PDCD11: variants seen among roughly 807,000 people sequenced by gnomAD.
PDCD11 encodes the protein programmed cell death 11.
In PDCD11, 97 loss-of-function variants were observed where a neutral mutation model predicts 198.9. That is an observed-to-expected ratio of 0.49 (90% CI 0.41 to 0.58). The LOEUF (loss-of-function observed/expected upper bound fraction) is 0.58. PDCD11 is among the 20% of genes least tolerant of loss of function. The pLI is 0.00. For synonymous variants in PDCD11, 893 were observed against 918.0 expected (o/e 0.97, Z 0.49); for missense variants, 2,102 against 2,312.7 (o/e 0.91, Z 1.87).
intron 30 of PDCD11, 108 bp from the exon 31 acceptor site, chr10:103,441,718 G>A: frequency 2.1e-6 from 2 of 967,038 alleles, no homozygotes; most frequent in South Asian, 1.6e-5. Context: ...AGGAGAGGAG[G>A]GGTCTCTGGG....
chr10:103,403,344 A>G (rs2030233744), intron 4 of PDCD11, 59 bp downstream of exon 4: 15 of 1,513,592 alleles, frequency 9.9e-6, no homozygotes, highest in Non-Finnish European at 1.3e-5. Context: ...AATAGATTTA[A>G]AATTACAACT....
intron 26 of PDCD11, among the ~76,000 whole-genome samples, 198 bp from the exon 27 acceptor site, chr10:103,438,488 A>C (rs2032243776): frequency 6.6e-6 from 1 of 152,198 alleles, no homozygotes; most frequent in Non-Finnish European, 1.5e-5. Flanking sequence ...CCCCATTTCT[A>C]CATAGCTGGG....
At chr10:103,422,197 C>T (rs996851926) in intron 17 of PDCD11, among the ~76,000 whole-genome samples, 1 of 151,150 alleles carries the variant, frequency 6.6e-6, no homozygotes, top group Non-Finnish European at 1.5e-5. Flanking sequence ...TCTCCTTCCT[C>T]AGCCTCCGGA....
chr10:103,417,943 TTC>T lies in PDCD11; in HGVS notation c.1911+15_1911+16del. On this transcript the variant is annotated intron_variant, in intron 14 of 35. Transcript: ENST00000369797. ...ATTAACATTGGGCAGGTACGTGGACTTCTCTGGACAAGCTATTTTATGTTACA... is the reference window on the plus strand; with the variant it reads ...ATTAACATTGGGCAGGTACGTGGACTTCTGGACAAGCTATTTTATGTTACA... 6.2e-7 allele frequency: 1 copy of T among 1,613,610 alleles called. No individual in the cohort carries two copies. Among genetic ancestry groups the T allele is most frequent in the Non-Finnish European group, 8.5e-7 (1 of 1,179,874 alleles).
chr10:103,406,984 A>T (rs1380872530), intron 7 of PDCD11, among the ~76,000 whole-genome samples, 194 bp downstream of exon 7: 1 of 152,212 alleles, frequency 6.6e-6, no homozygotes, highest in Non-Finnish European at 1.5e-5. Flanking sequence ...AAACTATACT[A>T]AAAAGTCTTT....
In PDCD11 at chr10:103,425,323, A is replaced by G. The variant is rs2031641460; in HGVS notation, c.3103A>G (p.Ile1035Val). The change falls in exon 20 of 36, where the codon ATC (isoleucine) becomes GTC (valine). Residue 1035 changes from isoleucine to valine, a missense_variant. Ile to Val is a conservative substitution (Grantham distance 29). Transcript: ENST00000369797. ...VGTIKKHTLS[I>V]GDMVTGTVKS... is the part of the protein sequence containing the mutation. ...GACCATAAAGAAGCACACCCTCTCC[A>G]TCGGGGACATGGTCACAGGGACTGT... 1 of 1,613,994 alleles carries G rather than the reference A, an allele frequency of 6.2e-7. No homozygotes were observed. Among genetic ancestry groups the G allele is most frequent in the Admixed American group, 1.7e-5 (1 of 60,006 alleles).
chr10:103,442,235 G>C lies in PDCD11; in HGVS notation c.4730G>C (p.Arg1577Thr), dbSNP rs147379012. ...CAGATAAAGAAAAGCAAGAAAGAAA[G>C]GGAGTTGGAGAAGCAGAAGGCAGAG... ...QATIKKSKKE[R>T]ELEKQKAEKE... Residue 1577 changes from arginine (R) to threonine (T), a missense_variant, in exon 32 of 36, where the codon AGG becomes ACG. By Grantham distance (71) the Arg-to-Thr change is moderately conservative. Transcript: ENST00000369797. 9 of 1,614,012 alleles carry C rather than the reference G, an allele frequency of 5.6e-6. No homozygotes were observed. The highest frequency in any genetic ancestry group is 7.6e-6 in the Non-Finnish European group (9 of 1,180,014).
At position 103,442,455 on chromosome 10, in the gene PDCD11, C is replaced by G; in HGVS notation, c.4950C>G (p.Ser1650=). ...CTGAGAGGGCCCTTAAGACCATCTC[C>G]TTCAGGTCTCAGCTTTGCCCCAGGG... The part of the protein sequence containing the change: ...AVAERALKTI[S]FREEQEKLNV... Residue 1650 remains serine (S), a synonymous_variant, in exon 32 of 36, where the codon TCC becomes TCG. Coordinates refer to ENST00000369797, the MANE Select transcript of PDCD11 (RefSeq NM_014976.2). The G allele has an allele frequency of 6.2e-7, 1 of 1,613,150 alleles. No homozygotes were observed. Among genetic ancestry groups the G allele is most frequent in the Non-Finnish European group, 8.5e-7 (1 of 1,179,602 alleles).
rs762970753 is a variant in PDCD11 at position 103,414,271 on chromosome 10, T to G, written c.1312T>G (p.Ser438Ala). The change falls in exon 11 of 36, where the codon TCT (serine) becomes GCT (alanine). Residue 438 changes from serine (S) to alanine (A), a missense_variant and splice_region_variant. Transcript: ENST00000369797. ...DELALLSLRT[S>A]IIEAQYLRYH... Reference sequence around the variant, plus strand: ...TTCTGTGTTTTCTCCTTGTCCTAGGTCTATTATTGAAGCTCAGTACCTTAG... The same window carrying G: ...TTCTGTGTTTTCTCCTTGTCCTAGGGCTATTATTGAAGCTCAGTACCTTAG... The G allele has an allele frequency of 5.0e-6, 8 of 1,613,482 alleles. No homozygotes were observed. Among genetic ancestry groups the G allele is most frequent in the Non-Finnish European group, 6.8e-6 (8 of 1,179,402 alleles).
chr10:103,410,093 G>C (rs2030703516), intron 8 of PDCD11, among the ~76,000 whole-genome samples: 1 of 152,176 alleles, frequency 6.6e-6, no homozygotes, highest in African/African-American at 2.4e-5. Flanking sequence ...AAATTAGCCA[G>C]GCGTGGTGGC....
chr10:103,438,352 G>C (rs536632955), intron 26 of PDCD11, among the ~76,000 whole-genome samples: 1 of 152,180 alleles, frequency 6.6e-6, no homozygotes, highest in Admixed American at 6.5e-5. Flanking sequence ...TAGCCTCCAG[G>C]GTTCCATTGT....
Position 103,425,498 on chromosome 10 carries a change from T to C in PDCD11, c.3278T>C (p.Ile1093Thr). Residue 1093 changes from isoleucine (I) to threonine (T), a missense_variant, in exon 20 of 36, where the codon ATT becomes ACT. Coordinates refer to ENST00000369797, the MANE Select transcript of PDCD11 (RefSeq NM_014976.2). Reference protein sequence around the residue: ...KVGKTVTARVIGGRDMKTFKY... With the variant: ...KVGKTVTARVTGGRDMKTFKY... ...GGGAAGACGGTCACTGCCCGAGTGA[T>C]TGGCGGGCGAGACATGAAGACATTC... The C allele has an allele frequency of 6.2e-7, 1 of 1,611,140 alleles. No individual in the cohort carries two copies. The highest frequency in any genetic ancestry group is 1.3e-5 in the African/African-American group (1 of 74,908).
At position 103,418,652 on chromosome 10, in the gene PDCD11, CTG is replaced by C. The variant is rs1404793040; in HGVS notation, c.2106+21_2106+22del. The C allele has an allele frequency of 1.9e-6, 3 of 1,606,240 alleles. No homozygotes were observed. Among genetic ancestry groups the C allele is most frequent in the South Asian group, 1.1e-5 (1 of 90,336 alleles). On this transcript the variant is annotated intron_variant, in intron 15 of 35. Transcript: ENST00000369797. ...GGCGTGTTGTATCCTTGACTGGTATCTGTGGAGCAGAGGAAGGTGGGGGGCCA... is the reference window on the plus strand; with the variant it reads ...GGCGTGTTGTATCCTTGACTGGTATCTGGAGCAGAGGAAGGTGGGGGGCCA...
chr10:103,443,105 A>G (rs2032458213), intron 32 of PDCD11, 60 bp from the exon 33 acceptor site: 1 of 1,448,982 alleles, frequency 6.9e-7, no homozygotes, highest in Non-Finnish European at 9.3e-7. Context: ...GTCTGTCTGG[A>G]TGGGGCGGGA....
chr10:103,411,104 G>A (rs1189165236), intron 8 of PDCD11, among the ~76,000 whole-genome samples: 1 of 151,630 alleles, frequency 6.6e-6, no homozygotes, highest in Non-Finnish European at 1.5e-5. Context: ...ATTTTTACAG[G>A]CGAGGTCTCG....
At chr10:103,411,381 T>A (rs902891294) in intron 8 of PDCD11, among the ~76,000 whole-genome samples, 1 of 152,218 alleles carries the variant, frequency 6.6e-6, no homozygotes, top group African/African-American at 2.4e-5. Flanking sequence ...TTATTTATTT[T>A]TTGAGACAAG....
rs1001764611 is a variant in PDCD11 at position 103,421,674 on chromosome 10, A to G, written c.2497+107A>G. On this transcript the variant is annotated intron_variant, in intron 17 of 35. Transcript: ENST00000369797. ...TGGGCTTCCCAGAACATAAGAAAAA[A>G]AAATTTGGGGCCGGGCGCGGTGGCT... is the stretch of plus-strand genomic sequence containing the variant. The G allele has an allele frequency of 7.3e-6, 7 of 954,296 alleles. No individual in the cohort carries two copies. In the East Asian group the frequency reaches 1.9e-4, roughly 25 times the overall value. The allele number at this position is 954,296 out of a possible 1,614,324, so 59.1% of individuals were successfully genotyped here.
intron 16 of PDCD11, 92 bp from the exon 17 acceptor site, chr10:103,421,256 C>A: frequency 1.0e-6 from 1 of 963,664 alleles, no homozygotes; most frequent in East Asian, 2.6e-5. Flanking sequence ...CCCCATTTCC[C>A]CCTACTCACG....
At chr10:103,412,812 G>A (rs2030880793) in intron 8 of PDCD11, among the ~76,000 whole-genome samples, 1 of 152,108 alleles carries the variant, frequency 6.6e-6, no homozygotes, top group Non-Finnish European at 1.5e-5. Context: ...TGCGCAGGCT[G>A]GTCTCTAACT....
Sources: gnomAD v4.1 joint callset for allele counts (sites outside exome capture counted in the v4.1 genomes callset) on GRCh38, gnomAD v4.1.1 for gene constraint, MANE v1.5 for transcripts, NCBI Gene and HGNC (gene_info 2026-07-23, HGNC 2026-07-21) for gene names.